GPC6: variants seen among roughly 807,000 people sequenced by gnomAD.
The protein encoded by GPC6 is glypican 6.
GPC6 carries 14 observed loss-of-function variants against 55.2 expected under a neutral mutation model. The ratio of observed to expected loss-of-function variants is 0.25; its 90% CI spans 0.17 to 0.40. The LOEUF is 0.40. Among genes scored for constraint, GPC6 ranks in the 10% least tolerant of loss-of-function variants. The probability of loss-of-function intolerance (pLI) is 1.00; values close to 1 mark genes in which losing one functional copy is unlikely to be tolerated. For synonymous variants in GPC6, 278 were observed against 259.6 expected (o/e 1.07, Z -0.68); for missense variants, 641 against 708.5 (o/e 0.90, Z 1.08).
At chr13:93,987,774 A>T (rs1011478859) in intron 3 of GPC6, among the ~76,000 whole-genome samples, 7 of 152,170 alleles carry the variant, frequency 4.6e-5, no homozygotes, top group African/African-American at 1.7e-4. Flanking sequence ...AGGAATCAAT[A>T]TAGTACATTT....
In GPC6 at chr13:93,711,214, G is replaced by C. The variant is rs189246455; in HGVS notation, c.320-118940G>C. Among the ~76,000 whole-genome samples, 111 of 151,880 alleles carry C rather than the reference G, an allele frequency of 7.3e-4. 1 individual carries two copies. Among genetic ancestry groups the C allele is most frequent in the African/African-American group, 2.5e-3 (105 of 41,510 alleles). Reference sequence around the variant, plus strand: ...CTAAATGTTTTCAAGGTCTTGTGTAGCTGTTTCTGAGTTTCTGGATGTGAC... The same window carrying C: ...CTAAATGTTTTCAAGGTCTTGTGTACCTGTTTCTGAGTTTCTGGATGTGAC... On this transcript the variant is annotated intron_variant, in intron 2 of 8. Coordinates refer to ENST00000377047, the MANE Select transcript of GPC6 (RefSeq NM_005708.5).
At chr13:94,231,737 CT>C (rs1890734376) in intron 4 of GPC6, among the ~76,000 whole-genome samples, 1 of 151,940 alleles carries the variant, frequency 6.6e-6, no homozygotes, top group Non-Finnish European at 1.5e-5. Context: ...TTTTCCTAAT[CT>C]TGGGGTCAGA....
intron 3 of GPC6, among the ~76,000 whole-genome samples, chr13:93,902,336 A>G (rs937009730): frequency 6.6e-6 from 1 of 152,086 alleles, no homozygotes; most frequent in Non-Finnish European, 1.5e-5. Context: ...TATTTCATTT[A>G]CCATAATGTC....
chr13:93,765,683 C>T (rs376830425), intron 2 of GPC6, among the ~76,000 whole-genome samples: 1 of 152,112 alleles, frequency 6.6e-6, no homozygotes, highest in East Asian at 1.9e-4. Context: ...AATTACATAG[C>T]ACCCTAAAGC....
At chr13:93,932,725 A>G (rs995047648) in intron 3 of GPC6, among the ~76,000 whole-genome samples, 2 of 152,106 alleles carry the variant, frequency 1.3e-5, no homozygotes, top group Non-Finnish European at 2.9e-5. Context: ...CCAGTTACTT[A>G]AAGTTTCTGG....
At chr13:93,630,067 A>C (rs1226014125) in intron 2 of GPC6, among the ~76,000 whole-genome samples, 1 of 152,234 alleles carries the variant, frequency 6.6e-6, no homozygotes, top group Non-Finnish European at 1.5e-5. Flanking sequence ...CACAGGCAGC[A>C]CAGAAAAAAA....
chr13:93,528,371 T>C (rs1881731820), intron 1 of GPC6, among the ~76,000 whole-genome samples: 1 of 152,188 alleles, frequency 6.6e-6, no homozygotes, highest in South Asian at 2.1e-4. Context: ...GGTGAATTTA[T>C]AGATGGTAGT....
chr13:94,372,518 C>T (rs1174221662), intron 6 of GPC6, among the ~76,000 whole-genome samples: 61 of 152,156 alleles, frequency 4.0e-4, no homozygotes, highest in African/African-American at 1.3e-3. Context: ...GCTTAAAAAA[C>T]GGCGCACCAC....
In GPC6 at chr13:93,545,285, T is replaced by A; in HGVS notation, c.183T>A (p.Pro61=). The A allele has an allele frequency of 6.2e-7, 1 of 1,613,588 alleles. No individual in the cohort carries two copies. The highest frequency in any genetic ancestry group is 8.5e-7 in the Non-Finnish European group (1 of 1,179,596). ...CAGGGGAACACTTAAGAATCTGTCC[T>A]CAGGAATATACATGCTGCACCACAG... ...EIAGEHLRIC[P]QEYTCCTTEM... is the part of the protein sequence containing the mutation. Residue 61 remains proline, a synonymous_variant, in exon 2 of 9, where the codon CCT becomes CCA. Coordinates refer to ENST00000377047, the MANE Select transcript of GPC6 (RefSeq NM_005708.5).
intron 2 of GPC6, among the ~76,000 whole-genome samples, chr13:93,806,127 A>T (rs568685159): frequency 6.6e-6 from 1 of 152,156 alleles, no homozygotes. Context: ...TTTGAACACC[A>T]TGGAATGCAT....
intron 1 of GPC6, among the ~76,000 whole-genome samples, chr13:93,386,634 A>G (rs1442299974): frequency 6.6e-6 from 1 of 152,242 alleles, no homozygotes; most frequent in Non-Finnish European, 1.5e-5. Context: ...ATCATAACAC[A>G]TGCAAATAAC....
At chr13:94,232,797 A>G (rs181832711) in intron 4 of GPC6, among the ~76,000 whole-genome samples, 1 of 152,188 alleles carries the variant, frequency 6.6e-6, no homozygotes, top group East Asian at 1.9e-4. Context: ...TGTCTCGGAT[A>G]CCTGACTCTG....
chr13:94,307,837 T>C (rs1185676228), intron 6 of GPC6, among the ~76,000 whole-genome samples: 1 of 152,188 alleles, frequency 6.6e-6, no homozygotes, highest in Admixed American at 6.5e-5. Context: ...GTCCCTTTTT[T>C]CCCATTTTTG....
chr13:93,291,649 C>T (rs1224005555), intron 1 of GPC6, among the ~76,000 whole-genome samples: 1 of 152,100 alleles, frequency 6.6e-6, no homozygotes, highest in African/African-American at 2.4e-5. Context: ...TTGCATTTTA[C>T]CAGGTCTGTT....
intron 1 of GPC6, among the ~76,000 whole-genome samples, chr13:93,355,692 A>C (rs571207766): frequency 9.2e-5 from 14 of 152,332 alleles, no homozygotes; most frequent in African/African-American, 2.6e-4. Flanking sequence ...TGCTGTAAGA[A>C]AATAATTGTG....
intron 8 of GPC6, among the ~76,000 whole-genome samples, chr13:94,399,716 C>CA (rs1313070003): frequency 6.6e-6 from 1 of 152,096 alleles, no homozygotes; most frequent in Admixed American, 6.5e-5. Flanking sequence ...TTAAAGAACT[C>CA]AAAAAAATGA....
rs145471745 is a variant in GPC6 at position 94,093,402 on chromosome 13, G to C, written c.877+65508G>C. On this transcript the variant is annotated intron_variant, in intron 4 of 8. Coordinates refer to ENST00000377047, the MANE Select transcript of GPC6 (RefSeq NM_005708.5). Reference sequence around the variant, plus strand: ...TGTATTCTTGGCATGGTTTTTGAAGGTTAATTGACCTTAAAAGTGTGGATT... The same window carrying C: ...TGTATTCTTGGCATGGTTTTTGAAGCTTAATTGACCTTAAAAGTGTGGATT... 1.1e-4 allele frequency among the ~76,000 whole-genome samples: 16 copies of C among 152,044 alleles called. No homozygotes were observed. In the East Asian group the frequency reaches 3.1e-3, roughly 29 times the overall value.
intron 3 of GPC6, among the ~76,000 whole-genome samples, chr13:94,004,494 A>T (rs1881933653): frequency 6.6e-6 from 1 of 152,192 alleles, no homozygotes; most frequent in Non-Finnish European, 1.5e-5. Flanking sequence ...AACATATTGG[A>T]GAATATAGAT....
intron 3 of GPC6, among the ~76,000 whole-genome samples, chr13:93,864,959 T>C (rs140282759): frequency 6.6e-6 from 1 of 151,746 alleles, no homozygotes; most frequent in Non-Finnish European, 1.5e-5. Flanking sequence ...AATCAAAATA[T>C]AAATTTCAAA....
Sources: gnomAD v4.1 joint callset for allele counts (sites outside exome capture counted in the v4.1 genomes callset) on GRCh38, gnomAD v4.1.1 for gene constraint, MANE v1.5 for transcripts, NCBI Gene and HGNC (gene_info 2026-07-23, HGNC 2026-07-21) for gene names.